Variants in SLC47A2 observed in about 807,000 individuals in gnomAD.
The protein encoded by SLC47A2 is solute carrier family 47 member 2, also known as multidrug and toxin extrusion protein 2.
A neutral mutation model predicts 67.7 loss-of-function variants in SLC47A2; 52 were observed. The observed-to-expected ratio is 0.77, with a 90% CI of 0.61 to 0.97. The LOEUF (loss-of-function observed/expected upper bound fraction) is 0.97. SLC47A2 is among the 50% of genes least tolerant of loss of function. The pLI, the probability that SLC47A2 is intolerant of heterozygous loss-of-function variation, is 0.00. For synonymous variants in SLC47A2, 278 were observed against 292.9 expected, an observed-to-expected ratio of 0.95 and a Z score of 0.52; for missense variants, 676 against 712.3, an observed-to-expected ratio of 0.95 and a Z score of 0.58.
At position 19,712,747 on chromosome 17, in the gene SLC47A2, T is replaced by C. The variant is rs772052871; in HGVS notation, c.444-2A>G. On this transcript the variant is annotated splice_acceptor_variant, in intron 4 of 16. Coordinates refer to ENST00000433844, the MANE Select transcript of SLC47A2 (RefSeq NM_001099646.3). LOFTEE classifies it high-confidence loss of function. ...ATCATTACATAGTCCTGGGTCAACC[T>C]GCAAGAGAGGGAGAAGCTCCGGAGC... The C allele has an allele frequency of 1.2e-6, 2 of 1,612,600 alleles. No individual in the cohort carries two copies. The highest frequency in any genetic ancestry group is 1.7e-4 in the Middle Eastern group (1 of 6,060).
intron 13 of SLC47A2, among the ~76,000 whole-genome samples, chr17:19,699,092 A>G (rs1038738729): frequency 3.3e-5 from 5 of 152,206 alleles, no homozygotes; most frequent in African/African-American, 7.2e-5. Context: ...AGAATAGACA[A>G]AAAAGATCAC....
At chr17:19,708,654 C>A in intron 6 of SLC47A2, 62 bp downstream of exon 6, 1 of 1,606,160 alleles carries the variant, frequency 6.2e-7, no homozygotes, top group Non-Finnish European at 8.5e-7. Flanking sequence ...CCAGGCCCCC[C>A]TCCCACTGGA....
intron 14 of SLC47A2, 27 bp downstream of exon 14, chr17:19,681,511 C>A (rs1156777718): frequency 6.2e-7 from 1 of 1,614,188 alleles, no homozygotes; most frequent in Non-Finnish European, 8.5e-7. Context: ...CCACCCAGGC[C>A]TCTCCCGACT....
intron 3 of SLC47A2, chr17:19,714,403 A>ATAC (rs2086193817): frequency 4.1e-6 from 2 of 486,330 alleles, no homozygotes; most frequent in Non-Finnish European, 7.5e-6. Flanking sequence ...ACATGCCTGC[A>ATAC]TGTAGGCAGC....
Position 19,713,896 on chromosome 17 carries a change from G to C in SLC47A2, c.372C>G (p.Leu124=), listed in dbSNP as rs150538711. 12 of 1,613,710 alleles carry C rather than the reference G, an allele frequency of 7.4e-6. No individual in the cohort carries two copies. Among genetic ancestry groups the C allele is most frequent in the Non-Finnish European group, 1.0e-5 (12 of 1,179,910 alleles). Residue 124 remains leucine, a synonymous_variant, in exon 4 of 17, where the codon CTC becomes CTG. Coordinates refer to ENST00000433844, the MANE Select transcript of SLC47A2 (RefSeq NM_001099646.3). ...TGTTGAGGAAGAGCGCCCAGCAAGG[G>C]AGGCAGCAGAGGAGCAGGACCAGCG... ...RGALVLLLCC[L]PCWALFLNTQ... is the part of the protein sequence containing the mutation.
chr17:19,708,156 A>G (rs538887305), intron 7 of SLC47A2, 146 bp downstream of exon 7: 1 of 870,242 alleles, frequency 1.1e-6, no homozygotes, highest in African/African-American at 1.7e-5. Flanking sequence ...TCCCCAAGGG[A>G]CCATCAGGCC....
At chr17:19,691,354 C>A (rs1322021258) in intron 13 of SLC47A2, among the ~76,000 whole-genome samples, 2 of 152,146 alleles carry the variant, frequency 1.3e-5, no homozygotes, top group African/African-American at 4.8e-5. Flanking sequence ...ACCTAAGTAT[C>A]CATGAACAGA....
At chr17:19,686,463 C>T (rs1336729927) in intron 13 of SLC47A2, among the ~76,000 whole-genome samples, 7 of 152,162 alleles carry the variant, frequency 4.6e-5, no homozygotes, top group East Asian at 1.9e-4. Flanking sequence ...ATAATAACAT[C>T]GAATGTAAAT....
intron 12 of SLC47A2, 74 bp downstream of exon 12, chr17:19,703,018 G>T: frequency 6.8e-7 from 1 of 1,481,188 alleles, no homozygotes; most frequent in African/African-American, 1.4e-5. Context: ...AGCCAGGAAT[G>T]TGATAAATCT....
chr17:19,680,303 C>T (rs1021759086), intron 15 of SLC47A2, among the ~76,000 whole-genome samples: 1 of 151,932 alleles, frequency 6.6e-6, no homozygotes, highest in African/African-American at 2.4e-5. Context: ...TATAGTGAAA[C>T]CCTGTCTCTA....
chr17:19,684,825 C>T (rs1017324635), intron 13 of SLC47A2, among the ~76,000 whole-genome samples: 12 of 152,266 alleles, frequency 7.9e-5, no homozygotes, highest in Non-Finnish European at 1.5e-4. Flanking sequence ...CTCCCTCTCC[C>T]TCTCCCTCCC....
upstream of SLC47A2, chr17:19,716,908 G>A (rs975653788): frequency 7.3e-5 from 16 of 219,326 alleles, no homozygotes; most frequent in Non-Finnish European, 1.3e-4. Flanking sequence ...CCAGGACAGG[G>A]CAGCCTGGCT....
chr17:19,715,223 G>T lies in SLC47A2; in HGVS notation c.124-6C>A. 1 of 1,607,530 alleles carries T rather than the reference G, an allele frequency of 6.2e-7. No individual in the cohort carries two copies. ...GTCAGCACCTGGAACAGGAACTGGA[G>T]GACAGCGGCCAGGTCAGACTCGGGG... On this transcript the variant is annotated splice_polypyrimidine_tract_variant and splice_region_variant and intron_variant, in intron 1 of 16. Coordinates refer to ENST00000433844, the MANE Select transcript of SLC47A2 (RefSeq NM_001099646.3).
At chr17:19,713,577 T>C (rs1268728351) in intron 4 of SLC47A2, among the ~76,000 whole-genome samples, 3 of 152,230 alleles carry the variant, frequency 2.0e-5, no homozygotes, top group Admixed American at 6.5e-5. Flanking sequence ...TCCCAAATTG[T>C]TTCTTGCCTT....
At chr17:19,716,675 C>T, upstream of SLC47A2, 1 of 1,396,082 alleles carries the variant, frequency 7.2e-7, no homozygotes, top group East Asian at 2.6e-5. Context: ...GAGTAAGGGG[C>T]AGGAGGAGGG....
chr17:19,684,856 T>G (rs2085389977), intron 13 of SLC47A2, among the ~76,000 whole-genome samples: 3 of 152,094 alleles, frequency 2.0e-5, no homozygotes, highest in South Asian at 4.2e-4. Context: ...TCGCTCTCCA[T>G]CTCCCTCTTT....
chr17:19,689,548 T>A (rs1183325298), intron 13 of SLC47A2, among the ~76,000 whole-genome samples: 2 of 151,794 alleles, frequency 1.3e-5, no homozygotes, highest in Non-Finnish European at 2.9e-5. Flanking sequence ...AATACAAAAA[T>A]TATCTGGGTG....
At position 19,705,440 on chromosome 17, in the gene SLC47A2, T is replaced by C. The variant is rs745447053; in HGVS notation, c.905A>G (p.Tyr302Cys). 1.9e-6 allele frequency: 3 copies of C among 1,611,690 alleles called. No individual in the cohort carries two copies. The highest frequency in any genetic ancestry group is 4.5e-5 in the East Asian group (2 of 44,760). The stretch of plus-strand genomic sequence containing the variant: ...GCACCCCTGCAGGAGCCTTACCATG[T>C]AGGTCACAGTGGCCACCTCGTAGAT... ...AVIYEVATVTYMIPLGLSIGV... is the reference protein window; with the variant it reads ...AVIYEVATVTCMIPLGLSIGV... The change falls in exon 10 of 17, where the codon TAC becomes TGC. Residue 302 changes from tyrosine (Y) to cysteine (C), a missense_variant. Coordinates refer to ENST00000433844, the MANE Select transcript of SLC47A2 (RefSeq NM_001099646.3).
chr17:19,710,051 G>A (rs1172496937), intron 5 of SLC47A2, among the ~76,000 whole-genome samples: 1 of 152,142 alleles, frequency 6.6e-6, no homozygotes, highest in Middle Eastern at 3.2e-3. Context: ...CACACTGTTG[G>A]GACACCCCAC....
Sources: gnomAD v4.1 joint callset for allele counts (sites outside exome capture counted in the v4.1 genomes callset) on GRCh38, gnomAD v4.1.1 for gene constraint, MANE v1.5 for transcripts, NCBI Gene and HGNC (gene_info 2026-07-23, HGNC 2026-07-21) for gene names.